CTNNA3: variants seen among roughly 807,000 people sequenced by gnomAD.
CTNNA3 encodes the protein catenin alpha-3.
A neutral mutation model predicts 95.7 loss-of-function variants in CTNNA3; 76 were observed. The ratio of observed to expected loss-of-function variants is 0.79; its 90% CI spans 0.66 to 0.96. The LOEUF (loss-of-function observed/expected upper bound fraction) is 0.96, where lower values mean the gene tolerates loss of function less well. Among genes scored for constraint, CTNNA3 ranks in the 40% least tolerant of loss-of-function variants. The pLI, the probability that CTNNA3 is intolerant of heterozygous loss-of-function variation, is 0.00. For missense variants in CTNNA3, 1,191 were observed against 1,089.8 expected, an observed-to-expected ratio of 1.09 and a Z score of -1.31; for synonymous variants, 431 against 374.4, an observed-to-expected ratio of 1.15 and a Z score of -1.74.
intron 12 of CTNNA3, among the ~76,000 whole-genome samples, chr10:66,378,870 T>C (rs1363060036): frequency 6.6e-6 from 1 of 152,224 alleles, no homozygotes; most frequent in Admixed American, 6.5e-5. Flanking sequence ...TTATATCTCC[T>C]AATAGATAAG....
At chr10:66,287,720 T>C (rs1397484393) in intron 12 of CTNNA3, among the ~76,000 whole-genome samples, 1 of 152,152 alleles carries the variant, frequency 6.6e-6, no homozygotes, top group Admixed American at 6.6e-5. Flanking sequence ...TATTTTAAAC[T>C]TGAAATTCAA....
intron 13 of CTNNA3, among the ~76,000 whole-genome samples, chr10:66,175,976 A>T (rs2085686718): frequency 6.6e-6 from 1 of 152,166 alleles, no homozygotes; most frequent in African/African-American, 2.4e-5. Context: ...CAGCTTTTAT[A>T]ATTAGGTAAT....
chr10:67,547,311 C>T (rs532777029), intron 3 of CTNNA3, among the ~76,000 whole-genome samples: 3 of 152,130 alleles, frequency 2.0e-5, no homozygotes, highest in South Asian at 2.1e-4. Context: ...AAATGAAAAA[C>T]GAGAGTGACT....
chr10:66,678,309 C>T (rs71493986), intron 9 of CTNNA3, among the ~76,000 whole-genome samples: 5 of 152,070 alleles, frequency 3.3e-5, no homozygotes, highest in Non-Finnish European at 5.9e-5. Context: ...CCTTTACTAG[C>T]CTTTCCCCTA....
At chr10:67,739,580 C>T (rs1166634658) in intron 1 of CTNNA3, among the ~76,000 whole-genome samples, 1 of 151,752 alleles carries the variant, frequency 6.6e-6, no homozygotes, top group Middle Eastern at 3.4e-3. Flanking sequence ...GAATAAAATA[C>T]CTAGGAATCC....
intron 11 of CTNNA3, among the ~76,000 whole-genome samples, chr10:66,454,832 G>T (rs2093485709): frequency 7.0e-6 from 1 of 142,080 alleles, no homozygotes; most frequent in Non-Finnish European, 1.5e-5. Context: ...AGGAGGGGGA[G>T]GAGGGGAAGA....
chr10:67,722,777 G>A (rs576917868), intron 1 of CTNNA3, among the ~76,000 whole-genome samples: 1 of 152,056 alleles, frequency 6.6e-6, no homozygotes, highest in South Asian at 2.1e-4. Flanking sequence ...TGACTGCATG[G>A]TTTCATAAAT....
At chr10:66,134,288 G>T (rs1198746212) in intron 13 of CTNNA3, among the ~76,000 whole-genome samples, 1 of 152,050 alleles carries the variant, frequency 6.6e-6, no homozygotes, top group Non-Finnish European at 1.5e-5. Context: ...CACTCTGTTG[G>T]TGTGGCTGTG....
At chr10:67,672,799 C>T (rs1390524181) in intron 1 of CTNNA3, among the ~76,000 whole-genome samples, 1 of 152,128 alleles carries the variant, frequency 6.6e-6, no homozygotes, top group Non-Finnish European at 1.5e-5. Context: ...AGTGTGATGC[C>T]TCCAGCTTTG....
At chr10:66,065,521 A>C (rs1479431442) in intron 15 of CTNNA3, among the ~76,000 whole-genome samples, 1 of 152,174 alleles carries the variant, frequency 6.6e-6, no homozygotes, top group Non-Finnish European at 1.5e-5. Context: ...GCAAAAGTCA[A>C]CAACAAATTG....
chr10:66,746,269 T>C (rs1002438628), intron 9 of CTNNA3, among the ~76,000 whole-genome samples: 2 of 152,006 alleles, frequency 1.3e-5, no homozygotes, highest in African/African-American at 4.8e-5. Context: ...CAAAGACAAA[T>C]ATTTTATGAA....
In CTNNA3 at chr10:66,298,435, T is replaced by C. The variant is rs76741631; in HGVS notation, c.1733-17814A>G. 1.0e-3 allele frequency among the ~76,000 whole-genome samples: 153 copies of C among 152,224 alleles called. 1 individual carries two copies. In the East Asian group the frequency reaches 0.014, roughly 14 times the overall value. ...ACCCAATACATTGTAATGTGCATTA[T>C]ATATATATGTAATATATACCATATA... On this transcript the variant is annotated intron_variant, in intron 12 of 17. Transcript: ENST00000433211.
At chr10:67,258,777 C>T (rs1866462173) in intron 5 of CTNNA3, among the ~76,000 whole-genome samples, 1 of 152,022 alleles carries the variant, frequency 6.6e-6, no homozygotes. Context: ...TTTTTCAAGC[C>T]AAGTATTGTT....
chr10:66,346,076 C>CAAAAA (rs746349432), intron 12 of CTNNA3, among the ~76,000 whole-genome samples: 1 of 70,426 alleles, frequency 1.4e-5, no homozygotes, highest in Admixed American at 1.8e-4. Context: ...GACTCCATCT[C>CAAAAA]AAAAAAAAAA....
intron 5 of CTNNA3, among the ~76,000 whole-genome samples, chr10:67,447,141 T>A (rs1846782277): frequency 6.6e-6 from 1 of 152,112 alleles, no homozygotes; most frequent in Non-Finnish European, 1.5e-5. Context: ...GACAAGTTGG[T>A]TTTCCTCTGG....
chr10:66,960,865 G>A (rs947996073), intron 7 of CTNNA3, among the ~76,000 whole-genome samples: 15 of 152,126 alleles, frequency 9.9e-5, no homozygotes, highest in African/African-American at 3.1e-4. Flanking sequence ...CATAGGAGAA[G>A]GAAAGGATCT....
chr10:66,633,506 C>T (rs1349380519), intron 9 of CTNNA3, among the ~76,000 whole-genome samples: 1 of 151,968 alleles, frequency 6.6e-6, no homozygotes, highest in Non-Finnish European at 1.5e-5. Flanking sequence ...TGGTGAAACC[C>T]CGTCTCTACT....
At chr10:67,758,260 T>C (rs1424873642) in intron 1 of CTNNA3, among the ~76,000 whole-genome samples, 1 of 151,244 alleles carries the variant, frequency 6.6e-6, no homozygotes. Flanking sequence ...ACAATTCCTA[T>C]AATAAATCTC....
At chr10:67,460,449 T>C (rs184655250) in intron 5 of CTNNA3, among the ~76,000 whole-genome samples, 9 of 152,310 alleles carry the variant, frequency 5.9e-5, no homozygotes, top group African/African-American at 1.9e-4. Context: ...CCCAAGTGAT[T>C]TTTTGTAGTT....
Sources: gnomAD v4.1 joint callset for allele counts (sites outside exome capture counted in the v4.1 genomes callset) on GRCh38, gnomAD v4.1.1 for gene constraint, MANE v1.5 for transcripts, NCBI Gene and HGNC (gene_info 2026-07-23, HGNC 2026-07-21) for gene names.